The following LHFPL3 variants were observed in gnomAD, a reference collection of about 807,000 sequenced individuals.
LHFPL3 encodes the protein LHFPL tetraspan subfamily member 3.
In LHFPL3, 5 loss-of-function variants were observed where a neutral mutation model predicts 19.3. The observed-to-expected ratio is 0.26, with a 90% CI of 0.14 to 0.54. The LOEUF (loss-of-function observed/expected upper bound fraction) is 0.54, where lower values mean the gene tolerates loss of function less well. Among genes scored for constraint, LHFPL3 ranks in the 20% least tolerant of loss-of-function variants. LHFPL3 has a pLI of 0.94. For synonymous variants in LHFPL3, 133 were observed against 126.2 expected, an observed-to-expected ratio of 1.05 and a Z score of -0.36; for missense variants, 249 against 307.4, an observed-to-expected ratio of 0.81 and a Z score of 1.42.
intron 1 of LHFPL3, among the ~76,000 whole-genome samples, chr7:104,487,264 A>T (rs888693459): frequency 6.6e-6 from 1 of 152,256 alleles, no homozygotes; most frequent in Non-Finnish European, 1.5e-5. Flanking sequence ...CTAAAGACCA[A>T]AATACTTCTA....
At chr7:104,658,253 C>G (rs1316977284) in intron 1 of LHFPL3, among the ~76,000 whole-genome samples, 1 of 152,136 alleles carries the variant, frequency 6.6e-6, no homozygotes, top group Non-Finnish European at 1.5e-5. Flanking sequence ...TATCTAGGTG[C>G]ATTTCTAGAT....
At chr7:104,705,546 C>T (rs1793176317) in intron 1 of LHFPL3, among the ~76,000 whole-genome samples, 1 of 152,136 alleles carries the variant, frequency 6.6e-6, no homozygotes. Context: ...AGTAGGAGTC[C>T]CCAGGTCCAG....
intron 1 of LHFPL3, among the ~76,000 whole-genome samples, chr7:104,677,400 C>G (rs1317627232): frequency 6.6e-6 from 1 of 151,874 alleles, no homozygotes; most frequent in East Asian, 1.9e-4. Context: ...AAAAATGATC[C>G]CTATATAGTG....
At chr7:104,756,584 C>T (rs977743437) in intron 2 of LHFPL3, among the ~76,000 whole-genome samples, 1 of 152,182 alleles carries the variant, frequency 6.6e-6, no homozygotes, top group African/African-American at 2.4e-5. Flanking sequence ...ACTGCAACCT[C>T]CACCTCCCAG....
chr7:104,375,429 C>T (rs1045089488), intron 1 of LHFPL3, among the ~76,000 whole-genome samples: 2 of 151,978 alleles, frequency 1.3e-5, no homozygotes, highest in Non-Finnish European at 2.9e-5. Flanking sequence ...GTGTGTTTGG[C>T]AAACTAGTTG....
At chr7:104,745,975 G>T (rs972372800) in intron 2 of LHFPL3, among the ~76,000 whole-genome samples, 3 of 152,134 alleles carry the variant, frequency 2.0e-5, no homozygotes, top group Non-Finnish European at 4.4e-5. Context: ...AGTGACAGAG[G>T]CAGAGAGGCC....
At chr7:104,781,037 C>A (rs997543859) in intron 2 of LHFPL3, among the ~76,000 whole-genome samples, 3 of 152,106 alleles carry the variant, frequency 2.0e-5, no homozygotes, top group Non-Finnish European at 2.9e-5. Context: ...AGGATGCCAA[C>A]CCCAGGTTAA....
intron 1 of LHFPL3, among the ~76,000 whole-genome samples, chr7:104,706,603 C>T (rs960145011): frequency 1.4e-4 from 21 of 152,152 alleles, no homozygotes; most frequent in Admixed American, 1.3e-3. Flanking sequence ...AGATACATGC[C>T]CAACACCCTC....
chr7:104,748,939 C>A (rs1304215476), intron 2 of LHFPL3, among the ~76,000 whole-genome samples: 1 of 152,224 alleles, frequency 6.6e-6, no homozygotes, highest in African/African-American at 2.4e-5. Flanking sequence ...TTTGCGCTGA[C>A]TGAATTTTTT....
At chr7:104,459,028 T>C (rs1357056983) in intron 1 of LHFPL3, among the ~76,000 whole-genome samples, 1 of 152,212 alleles carries the variant, frequency 6.6e-6, no homozygotes, top group Non-Finnish European at 1.5e-5. Context: ...AGTCAGGCTG[T>C]GGCAGGCAGC....
intron 1 of LHFPL3, among the ~76,000 whole-genome samples, chr7:104,590,186 T>C (rs1790679388): frequency 6.6e-6 from 1 of 152,216 alleles, no homozygotes; most frequent in Non-Finnish European, 1.5e-5. Context: ...TCTTCTCTAG[T>C]TCTTTCAATT....
chr7:104,439,962 C>A (rs1584321147), intron 1 of LHFPL3, among the ~76,000 whole-genome samples: 1 of 147,256 alleles, frequency 6.8e-6, no homozygotes, highest in South Asian at 2.1e-4. Flanking sequence ...CAACCACCAC[C>A]ACCACCACAA....
intron 1 of LHFPL3, among the ~76,000 whole-genome samples, chr7:104,457,735 T>C (rs527870555): frequency 0.014 from 1,973 of 141,852 alleles, 56 homozygotes; most frequent in African/African-American, 0.051. Flanking sequence ...CCACCAACAG[T>C]GTAAAAGTGT....
At chr7:104,452,394 C>CT (rs1217187080) in intron 1 of LHFPL3, among the ~76,000 whole-genome samples, 1 of 152,078 alleles carries the variant, frequency 6.6e-6, no homozygotes, top group African/African-American at 2.4e-5. Flanking sequence ...TAACTCAAAC[C>CT]TTTGTTCACT....
intron 2 of LHFPL3, among the ~76,000 whole-genome samples, chr7:104,855,650 G>A (rs1791491276): frequency 6.7e-6 from 1 of 149,004 alleles, no homozygotes; most frequent in Middle Eastern, 3.4e-3. Flanking sequence ...TTTAGTCGGA[G>A]CCTCGCTCTG....
intron 1 of LHFPL3, among the ~76,000 whole-genome samples, chr7:104,420,554 A>ATTTTTTT (rs71153195): frequency 8.0e-5 from 9 of 112,716 alleles, no homozygotes; most frequent in Admixed American, 1.1e-4. Flanking sequence ...CAAAGGGTGA[A>ATTTTTTT]TTTTTTTTTT....
intron 1 of LHFPL3, among the ~76,000 whole-genome samples, chr7:104,706,701 G>T (rs2116196498): frequency 6.6e-6 from 1 of 152,190 alleles, no homozygotes; most frequent in Non-Finnish European, 1.5e-5. Flanking sequence ...TGGTTGGTGG[G>T]GAATGTTTCA....
chr7:104,854,176 G>T (rs78207542), intron 2 of LHFPL3, among the ~76,000 whole-genome samples: 2,318 of 152,282 alleles, frequency 0.015, 72 homozygotes, highest in African/African-American at 0.05. Flanking sequence ...TTAAGTTCAG[G>T]CTTAAATACC....
At chr7:104,892,368 AT>A (rs1234590398) in intron 2 of LHFPL3, among the ~76,000 whole-genome samples, 1 of 152,212 alleles carries the variant, frequency 6.6e-6, no homozygotes, top group Non-Finnish European at 1.5e-5. Flanking sequence ...CACTGTAAAA[AT>A]AAAAACAGAA....
Sources: gnomAD v4.1 joint callset for allele counts (sites outside exome capture counted in the v4.1 genomes callset) on GRCh38, gnomAD v4.1.1 for gene constraint, MANE v1.5 for transcripts, NCBI Gene and HGNC (gene_info 2026-07-23, HGNC 2026-07-21) for gene names.